The following YPEL2 variants were observed in gnomAD, a reference collection of about 807,000 sequenced individuals.
YPEL2 encodes yippee like 2.
YPEL2 carries 2 observed loss-of-function variants against 19.1 expected under a neutral mutation model. The observed-to-expected ratio is 0.10, with a 90% CI of 0.04 to 0.33. The LOEUF (loss-of-function observed/expected upper bound fraction) is 0.33. Among genes scored for constraint, YPEL2 ranks in the 10% least tolerant of loss-of-function variants. The pLI, the probability that YPEL2 is intolerant of heterozygous loss-of-function variation, is 1.00. For missense variants in YPEL2, 66 were observed against 140.7 expected, an observed-to-expected ratio of 0.47 and a Z score of 2.68; for synonymous variants, 52 against 50.0, an observed-to-expected ratio of 1.04 and a Z score of -0.17.
chr17:59,372,686 A>G (rs923433904), intron 2 of YPEL2, among the ~76,000 whole-genome samples: 31 of 152,210 alleles, frequency 2.0e-4, no homozygotes, highest in African/African-American at 6.8e-4. Flanking sequence ...ACAATAGACA[A>G]TGCTCACCAC....
chr17:59,394,636 C>T (rs1234845840), intron 4 of YPEL2, among the ~76,000 whole-genome samples: 2 of 150,984 alleles, frequency 1.3e-5, no homozygotes, highest in South Asian at 2.1e-4. Context: ...CTCCTCACAT[C>T]CCAGACGATG....
intron 1 of YPEL2, among the ~76,000 whole-genome samples, chr17:59,352,173 C>G (rs1371846986): frequency 1.3e-5 from 2 of 152,166 alleles, no homozygotes; most frequent in Non-Finnish European, 2.9e-5. Flanking sequence ...CAAAGCATGA[C>G]GCAGGTGTTA....
In YPEL2 at chr17:59,353,361, G is replaced by C; in HGVS notation, c.-49G>C. On this transcript the variant is annotated 5_prime_UTR_variant, in exon 2 of 5. Transcript: ENST00000312655. This position sits in a 1 kb window ranked among gnomAD's most constrained non-coding sequence, Gnocchi z 4.8. ...GTTTCCCGTGCGACCCATCCTGTGGGAGTGCCTCGTGGGCTGCCCCAGAGT... is the reference window on the plus strand; with the variant it reads ...GTTTCCCGTGCGACCCATCCTGTGGCAGTGCCTCGTGGGCTGCCCCAGAGT... The C allele has an allele frequency of 2.2e-6, 3 of 1,383,680 alleles. No individual in the cohort carries two copies. Among genetic ancestry groups the C allele is most frequent in the Non-Finnish European group, 3.0e-6 (3 of 1,002,788 alleles). The allele number at this position is 1,383,680 out of a possible 1,614,324, so 85.7% of individuals were successfully genotyped here. A position where few individuals can be genotyped will look rare whatever the true frequency, so the allele number is the denominator to read the frequency against.
At chr17:59,390,808 A>G (rs1237897277) in intron 4 of YPEL2, among the ~76,000 whole-genome samples, 2 of 152,188 alleles carry the variant, frequency 1.3e-5, no homozygotes, top group Non-Finnish European at 2.9e-5. Flanking sequence ...GTTAAGAACC[A>G]TCTAGGCAGC....
chr17:59,387,272 A>T (rs957529453), intron 2 of YPEL2, among the ~76,000 whole-genome samples: 3 of 151,828 alleles, frequency 2.0e-5, no homozygotes, highest in African/African-American at 7.3e-5. Context: ...AAAAAAAAAA[A>T]AAAAAAAAGA....
At chr17:59,351,552 G>A (rs2047787620) in intron 1 of YPEL2, among the ~76,000 whole-genome samples, 1 of 151,940 alleles carries the variant, frequency 6.6e-6, no homozygotes, top group South Asian at 2.1e-4. Flanking sequence ...GTGATGAAGG[G>A]GTTCTGGATC....
At chr17:59,361,522 G>A (rs1355167542) in intron 2 of YPEL2, among the ~76,000 whole-genome samples, 1 of 152,156 alleles carries the variant, frequency 6.6e-6, no homozygotes, top group African/African-American at 2.4e-5. Flanking sequence ...TTGTGACATC[G>A]TTTTTGTGTC....
At chr17:59,366,708 T>C (rs960723793) in intron 2 of YPEL2, among the ~76,000 whole-genome samples, 15 of 152,166 alleles carry the variant, frequency 9.9e-5, no homozygotes, top group Non-Finnish European at 1.8e-4. Flanking sequence ...AGATGCCAAA[T>C]GTTCCAAACG....
chr17:59,340,131 G>A (rs1003218884), intron 1 of YPEL2, among the ~76,000 whole-genome samples: 6 of 150,658 alleles, frequency 4.0e-5, no homozygotes, highest in African/African-American at 1.5e-4. Context: ...TTTTGAGATG[G>A]AGTTTCACTC....
chr17:59,367,431 G>A (rs771638861), intron 2 of YPEL2, among the ~76,000 whole-genome samples: 7 of 152,170 alleles, frequency 4.6e-5, no homozygotes, highest in Non-Finnish European at 7.4e-5. Context: ...AGGCCAGATA[G>A]TATTTTACGC....
intron 1 of YPEL2, among the ~76,000 whole-genome samples, chr17:59,339,934 C>A (rs1452505391): frequency 6.6e-6 from 1 of 152,122 alleles, no homozygotes; most frequent in African/African-American, 2.4e-5. Flanking sequence ...ACTGCCCCCA[C>A]TTCCTACCTT....
At position 59,347,295 on chromosome 17, in the gene YPEL2, T is replaced by C. The variant is rs182253097; in HGVS notation, c.-195-5920T>C. Among the ~76,000 whole-genome samples, 688 of 152,110 alleles carry C rather than the reference T, an allele frequency of 4.5e-3. 7 individuals carry two copies. Among genetic ancestry groups the C allele is most frequent in the African/African-American group, 0.016 (651 of 41,478 alleles). On this transcript the variant is annotated intron_variant, in intron 1 of 4. Transcript: ENST00000312655. ...GAGATTTGAAACTAGTTCCAGGTCC[T>C]TTTTTTTCTTTTTTCTTTTTAGGGT...
Position 59,397,173 on chromosome 17 carries a change from G to A in YPEL2, c.343G>A (p.Asp115Asn), listed in dbSNP as rs756251232. 6.2e-7 allele frequency: 1 copy of A among 1,611,702 alleles called. No homozygotes were observed. Among genetic ancestry groups the A allele is most frequent in the Non-Finnish European group, 8.5e-7 (1 of 1,178,980 alleles). The change falls in exon 5 of 5, where the codon GAC becomes AAC. Residue 115 changes from aspartate to asparagine, a missense_variant. Physicochemically the swap from Asp to Asn is conservative, Grantham distance 23 (BLOSUM62 1). Transcript: ENST00000312655. ...YIIELAHMIK[D>N]NGWD ...CATTGAACTAGCACACATGATCAAG[G>A]ACAATGGCTGGGACTGATTGGACAG...
rs1262399619 is a variant in YPEL2 at position 59,393,721 on chromosome 17, G to A, written c.271-3380G>A. On this transcript the variant is annotated intron_variant, in intron 4 of 4. Transcript: ENST00000312655. ...TTAGGGAGTGGTGATGACTCTTAAC[G>A]AGCATGCTGCCTTCAAGCATCTGTT... is the stretch of plus-strand genomic sequence containing the variant. Among the ~76,000 whole-genome samples the A allele has an allele frequency of 1.6e-3, 244 of 148,100 alleles. 3 individuals are homozygous for A. Among genetic ancestry groups the A allele is most frequent in the African/African-American group, 5.4e-3 (217 of 39,976 alleles).
chr17:59,368,759 A>C (rs2047882954), intron 2 of YPEL2, among the ~76,000 whole-genome samples: 1 of 152,224 alleles, frequency 6.6e-6, no homozygotes, highest in Non-Finnish European at 1.5e-5. Context: ...AGCTGCTAAA[A>C]GGTTTTAAGC....
intron 1 of YPEL2, among the ~76,000 whole-genome samples, chr17:59,341,732 C>T (rs573234651): frequency 1.9e-4 from 29 of 152,228 alleles, no homozygotes; most frequent in South Asian, 2.1e-4. Flanking sequence ...ATCAGAGGCA[C>T]GTGGTGGAAG....
At chr17:59,389,264 C>A in intron 3 of YPEL2, 96 bp from the exon 4 acceptor site, 2 of 1,127,986 alleles carry the variant, frequency 1.8e-6, no homozygotes, top group Non-Finnish European at 2.6e-6. Context: ...CCCCTTGGGA[C>A]AGCCTTTCCC....
At chr17:59,392,507 G>A (rs1050531453) in intron 4 of YPEL2, among the ~76,000 whole-genome samples, 1 of 103,176 alleles carries the variant, frequency 9.7e-6, no homozygotes. Context: ...CTCAGGGCAC[G>A]TTTTTTTTTT....
rs2048045265 is a variant in YPEL2 at position 59,397,365 on chromosome 17, C to G, written c.*175C>G. On this transcript the variant is annotated 3_prime_UTR_variant, in exon 5 of 5. Transcript: ENST00000312655. The stretch of plus-strand genomic sequence containing the variant: ...GTGACCGGCCTCTAAATCGCTGTCT[C>G]TCTGTCTCTTTGCTTTGTATCTGTT... The G allele has an allele frequency of 2.2e-6, 1 of 461,164 alleles. No homozygotes were observed. The highest frequency in any genetic ancestry group is 3.9e-6 in the Non-Finnish European group (1 of 255,272). 28.6% of individuals were successfully genotyped at this position (461,164 alleles called of 1,614,324 possible). A position where few individuals can be genotyped will look rare whatever the true frequency, so the allele number is the denominator to read the frequency against.
Sources: gnomAD v4.1 joint callset for allele counts (sites outside exome capture counted in the v4.1 genomes callset) on GRCh38, gnomAD v4.1.1 for gene constraint, Gnocchi (gnomAD v3.1) non-coding constraint, MANE v1.5 for transcripts, NCBI Gene and HGNC (gene_info 2026-07-23, HGNC 2026-07-21) for gene names.